Variants in OSCP1 observed in about 807,000 individuals in gnomAD.
The protein encoded by OSCP1 is protein OSCP1.
In OSCP1, 35 loss-of-function variants were observed where a neutral mutation model predicts 45.1. That is an observed-to-expected ratio of 0.78 (90% confidence interval 0.59 to 1.03). OSCP1 has a LOEUF of 1.03. OSCP1 is among the 50% of genes least tolerant of loss of function. OSCP1 has a pLI of 0.00. For synonymous variants in OSCP1, 179 were observed against 180.1 expected, an observed-to-expected ratio of 0.99 and a Z score of 0.05; for missense variants, 400 against 470.7, an observed-to-expected ratio of 0.85 and a Z score of 1.39.
In OSCP1 at chr1:36,431,844, G is replaced by C; in HGVS notation, c.474C>G (p.Ile158Met). 6.2e-7 allele frequency: 1 copy of C among 1,613,534 alleles called. No individual in the cohort carries two copies. Residue 158 changes from isoleucine to methionine, a missense_variant, in exon 4 of 10, where the codon ATC (isoleucine) becomes ATG (methionine). Ile to Met is a conservative substitution (Grantham distance 10). Coordinates refer to ENST00000235532, the MANE Select transcript of OSCP1 (RefSeq NM_145047.5). ...GGAAGAAGATGAGGAGTGTCTGCCGGATCAGCTGGAACTCCCCTGCAGAGA... is the reference window on the plus strand; with the variant it reads ...GGAAGAAGATGAGGAGTGTCTGCCGCATCAGCTGGAACTCCCCTGCAGAGA... ...GGLSAGEFQLIRQTLLIFFQD... is the reference protein window; with the variant it reads ...GGLSAGEFQLMRQTLLIFFQD...
At chr1:36,443,124 C>T (rs1024687003) in intron 1 of OSCP1, among the ~76,000 whole-genome samples, 12 of 152,082 alleles carry the variant, frequency 7.9e-5, no homozygotes, top group Non-Finnish European at 1.3e-4. Context: ...CCACCATGCC[C>T]AGGTAATTTT....
At chr1:36,444,640 G>A (rs1422789711) in intron 1 of OSCP1, among the ~76,000 whole-genome samples, 1 of 152,142 alleles carries the variant, frequency 6.6e-6, no homozygotes, top group Admixed American at 6.6e-5. Flanking sequence ...ATAATGATGG[G>A]ACCACTATGA....
At chr1:36,433,713 A>T (rs1317436348) in intron 2 of OSCP1, among the ~76,000 whole-genome samples, 1 of 152,156 alleles carries the variant, frequency 6.6e-6, no homozygotes, top group Non-Finnish European at 1.5e-5. Context: ...TTTAGACTAG[A>T]TGTAGTAGAA....
intron 2 of OSCP1, among the ~76,000 whole-genome samples, chr1:36,437,414 TGCTC>T (rs1648819545): frequency 1.3e-5 from 2 of 152,198 alleles, no homozygotes; most frequent in East Asian, 3.8e-4. Flanking sequence ...TTTTTGAACT[TGCTC>T]TAAAAAATAT....
At chr1:36,420,665 C>G in intron 7 of OSCP1, 50 bp from the exon 8 acceptor site, 1 of 1,599,570 alleles carries the variant, frequency 6.3e-7, no homozygotes, top group Non-Finnish European at 8.5e-7. Flanking sequence ...AATCACATTT[C>G]CTGCTAAAAC....
chr1:36,425,436 G>A (rs1401829324), intron 4 of OSCP1, among the ~76,000 whole-genome samples: 1 of 152,012 alleles, frequency 6.6e-6, no homozygotes, highest in African/African-American at 2.4e-5. Flanking sequence ...ATCAGACAGT[G>A]TATAAAAAGT....
intron 4 of OSCP1, among the ~76,000 whole-genome samples, chr1:36,427,890 TGA>T (rs564918546): frequency 6.7e-4 from 102 of 152,200 alleles, no homozygotes; most frequent in Non-Finnish European, 3.1e-4. Flanking sequence ...CAATTCTTCA[TGA>T]GAGTTAAAAA....
intron 1 of OSCP1, among the ~76,000 whole-genome samples, chr1:36,442,956 ATAT>A (rs5773524): frequency 0.65 from 98,416 of 150,604 alleles, 32,332 homozygotes; most frequent in South Asian, 0.74. Flanking sequence ...GTGCTTTTAA[ATAT>A]TATTATTATT....
intron 4 of OSCP1, chr1:36,428,344 A>G (rs774200994): frequency 6.2e-6 from 10 of 1,611,814 alleles, no homozygotes; most frequent in South Asian, 5.5e-5. Context: ...TACAAAACTC[A>G]AAGTTCTCAA....
At chr1:36,428,206 A>AAG (rs1553146133) in intron 4 of OSCP1, 28 of 1,353,580 alleles carry the variant, frequency 2.1e-5, no homozygotes, top group Admixed American at 2.9e-5. Context: ...AAAAAAAAAA[A>AAG]AAAAGAAAGA....
chr1:36,425,237 C>T (rs934048144), intron 4 of OSCP1, among the ~76,000 whole-genome samples: 2 of 151,256 alleles, frequency 1.3e-5, no homozygotes, highest in East Asian at 3.9e-4. Context: ...AAATGCAAAG[C>T]GATAAGAATG....
chr1:36,418,198 G>T lies in OSCP1; in HGVS notation c.1081C>A (p.Gln361Lys), dbSNP rs1452991218. Residue 361 changes from glutamine to lysine, a missense_variant, in exon 10 of 10, where the codon CAG becomes AAG. Physicochemically the swap from Gln to Lys is moderately conservative, Grantham distance 53. Transcript: ENST00000235532. ...CCTTTGCTGGTGCTCAGCCTTGGCTGCTCCGTGATCTCAAACTCCCCCATG... is the reference window on the plus strand; with the variant it reads ...CCTTTGCTGGTGCTCAGCCTTGGCTTCTCCGTGATCTCAAACTCCCCCATG... ...RIMGEFEITE[Q>K]PRLSTSKGDD... 1 of 1,614,042 alleles carries T rather than the reference G, an allele frequency of 6.2e-7. No individual in the cohort carries two copies. The highest frequency in any genetic ancestry group is 1.3e-5 in the African/African-American group (1 of 74,934).
At chr1:36,420,979 C>T (rs892334979) in intron 7 of OSCP1, among the ~76,000 whole-genome samples, 2 of 152,060 alleles carry the variant, frequency 1.3e-5, no homozygotes, top group Admixed American at 6.6e-5. Flanking sequence ...CTTCCAGAGG[C>T]GCTGCCACAC....
At chr1:36,422,486 GA>G (rs756604391) in intron 6 of OSCP1, among the ~76,000 whole-genome samples, 3 of 152,134 alleles carry the variant, frequency 2.0e-5, no homozygotes, top group Non-Finnish European at 4.4e-5. Context: ...TTACAGAACG[GA>G]TAAGTCTTTC....
chr1:36,429,535 A>ATT (rs200043573), intron 4 of OSCP1, among the ~76,000 whole-genome samples: 1,923 of 100,042 alleles, frequency 0.019, 161 homozygotes, highest in African/African-American at 0.037. Flanking sequence ...GAAGCTTAGA[A>ATT]TTTTTTTTTT....
intron 2 of OSCP1, among the ~76,000 whole-genome samples, chr1:36,434,150 C>T (rs775756809): frequency 5.3e-5 from 8 of 151,962 alleles, no homozygotes; most frequent in Non-Finnish European, 8.8e-5. Context: ...AGAAGATGGA[C>T]GGTTAACTTA....
At chr1:36,427,239 A>G (rs1029198957) in intron 4 of OSCP1, among the ~76,000 whole-genome samples, 7 of 145,546 alleles carry the variant, frequency 4.8e-5, no homozygotes, top group African/African-American at 1.6e-4. Flanking sequence ...TGACCTCATG[A>G]TCCACCTGCC....
intron 2 of OSCP1, among the ~76,000 whole-genome samples, chr1:36,437,333 T>TA (rs1157918141): frequency 2.4e-4 from 36 of 151,960 alleles, no homozygotes; most frequent in Non-Finnish European, 7.4e-5. Flanking sequence ...AATTATTATT[T>TA]AAAAAATCAC....
chr1:36,422,546 T>C (rs1423883186), intron 6 of OSCP1, among the ~76,000 whole-genome samples: 1 of 152,202 alleles, frequency 6.6e-6, no homozygotes, highest in African/African-American at 2.4e-5. Flanking sequence ...TGCATGGCTA[T>C]TGAACATCAT....
Sources: gnomAD v4.1 joint callset for allele counts (sites outside exome capture counted in the v4.1 genomes callset) on GRCh38, gnomAD v4.1.1 for gene constraint, MANE v1.5 for transcripts, NCBI Gene and HGNC (gene_info 2026-07-23, HGNC 2026-07-21) for gene names.